The following DACH1 variants were observed in gnomAD, a reference collection of about 807,000 sequenced individuals.
The protein encoded by DACH1 is dachshund family transcription factor 1, also known as dachshund homolog 1.
In DACH1, 12 loss-of-function variants were observed where a neutral mutation model predicts 54.2. The observed-to-expected ratio is 0.22, with a 90% confidence interval of 0.14 to 0.36. The LOEUF (loss-of-function observed/expected upper bound fraction) is 0.36. Among genes scored for constraint, DACH1 ranks in the 10% least tolerant of loss-of-function variants. The pLI, the probability that DACH1 is intolerant of heterozygous loss-of-function variation, is 1.00. For missense variants in DACH1, 805 were observed against 929.8 expected (o/e 0.87, Z 1.75); for synonymous variants, 386 against 366.2 (o/e 1.05, Z -0.62).
chr13:71,754,507 T>C (rs1885060295), intron 1 of DACH1, among the ~76,000 whole-genome samples: 1 of 152,154 alleles, frequency 6.6e-6, no homozygotes, highest in Non-Finnish European at 1.5e-5. Flanking sequence ...AGGTCAGCAC[T>C]AAGAGTTTTG....
intron 2 of DACH1, among the ~76,000 whole-genome samples, chr13:71,650,558 A>C (rs867155258): frequency 3.3e-5 from 5 of 152,172 alleles, no homozygotes; most frequent in African/African-American, 1.2e-4. Context: ...AGATTTTCAG[A>C]GTATGTGGTA....
At chr13:71,655,370 T>A (rs1448811320) in intron 2 of DACH1, among the ~76,000 whole-genome samples, 4 of 129,950 alleles carry the variant, frequency 3.1e-5, no homozygotes, top group Admixed American at 7.1e-5. Context: ...TTTTTTTTTT[T>A]AATTTTTTTT....
chr13:71,451,412 G>A (rs118042231), intron 10 of DACH1, among the ~76,000 whole-genome samples: 69 of 152,120 alleles, frequency 4.5e-4, no homozygotes, highest in South Asian at 6.2e-4. Context: ...AGCATTGCTT[G>A]GTACATGGAA....
intron 1 of DACH1, among the ~76,000 whole-genome samples, chr13:71,806,179 A>G (rs1246015751): frequency 6.6e-6 from 1 of 152,170 alleles, no homozygotes; most frequent in Admixed American, 6.5e-5. Flanking sequence ...ACAATTTCCT[A>G]AAGAGATATA....
chr13:71,739,548 TA>T (rs1330749690), intron 1 of DACH1, among the ~76,000 whole-genome samples: 1 of 147,190 alleles, frequency 6.8e-6, no homozygotes, highest in African/African-American at 2.5e-5. Context: ...TTATCTTATT[TA>T]AAGTTGTCAA....
intron 4 of DACH1, among the ~76,000 whole-genome samples, chr13:71,561,162 T>C (rs1884558376): frequency 6.6e-6 from 1 of 152,124 alleles, no homozygotes; most frequent in African/African-American, 2.4e-5. Context: ...CCATGATGGT[T>C]TGAAATCCTG....
intron 6 of DACH1, among the ~76,000 whole-genome samples, chr13:71,526,213 T>G (rs1446439091): frequency 6.6e-6 from 1 of 152,020 alleles, no homozygotes; most frequent in Non-Finnish European, 1.5e-5. Flanking sequence ...ATACATAGAG[T>G]CTTGTGATAT....
chr13:71,707,090 G>T (rs1882486377), intron 1 of DACH1, among the ~76,000 whole-genome samples: 1 of 152,108 alleles, frequency 6.6e-6, no homozygotes, highest in Admixed American at 6.6e-5. Flanking sequence ...AAATTGACTA[G>T]GTCAAAGGAC....
intron 1 of DACH1, among the ~76,000 whole-genome samples, chr13:71,691,890 T>C (rs890541531): frequency 6.6e-6 from 1 of 152,094 alleles, no homozygotes; most frequent in African/African-American, 2.4e-5. Context: ...GCATGGTTGT[T>C]GGGACAAAGT....
chr13:71,614,008 C>G (rs1032552133), intron 3 of DACH1, among the ~76,000 whole-genome samples: 1 of 152,018 alleles, frequency 6.6e-6, no homozygotes, highest in Admixed American at 6.6e-5. Flanking sequence ...TTTGTTTGTT[C>G]GTTTGTTTTC....
chr13:71,531,269 GTATAAA>G (rs923800852), intron 6 of DACH1, among the ~76,000 whole-genome samples: 2 of 152,022 alleles, frequency 1.3e-5, no homozygotes, highest in Non-Finnish European at 2.9e-5. Context: ...TATCATGCAT[GTATAAA>G]TATAAGTTCA....
chr13:71,572,250 A>C (rs1885259731), intron 4 of DACH1, among the ~76,000 whole-genome samples: 1 of 151,902 alleles, frequency 6.6e-6, no homozygotes, highest in Admixed American at 6.6e-5. Flanking sequence ...ACGATGCACA[A>C]ACATACACAC....
chr13:71,791,428 G>A (rs935642439), intron 1 of DACH1, among the ~76,000 whole-genome samples: 3 of 151,980 alleles, frequency 2.0e-5, no homozygotes, highest in African/African-American at 7.2e-5. Flanking sequence ...AGTGGCAGGC[G>A]GGAGTGCAGT....
chr13:71,779,616 G>A (rs1001304995), intron 1 of DACH1, among the ~76,000 whole-genome samples: 4 of 151,840 alleles, frequency 2.6e-5, no homozygotes, highest in African/African-American at 7.3e-5. Flanking sequence ...AAACCATATT[G>A]GAAGCTCAAG....
At chr13:71,621,538 T>C (rs1318321056) in intron 3 of DACH1, among the ~76,000 whole-genome samples, 1 of 152,016 alleles carries the variant, frequency 6.6e-6, no homozygotes, top group Non-Finnish European at 1.5e-5. Flanking sequence ...TAACATATCA[T>C]TTCCAAGACT....
chr13:71,842,556 T>C lies in DACH1; in HGVS notation c.848+23366A>G, dbSNP rs557935742. ...TCAGACCACTGCACTTCAGTCTGGG[T>C]GACAGAGTATGACCCAGTCTGATTA... is the stretch of plus-strand genomic sequence containing the variant. On this transcript the variant is annotated intron_variant, in intron 1 of 10. Coordinates refer to ENST00000613252, the MANE Select transcript of DACH1 (RefSeq NM_080759.6). Among the ~76,000 whole-genome samples, 8 of 152,210 alleles carry C rather than the reference T, an allele frequency of 5.3e-5. 1 individual carries two copies. The highest frequency in any genetic ancestry group is 1.9e-4 in the African/African-American group (8 of 41,536).
chr13:71,537,987 C>T (rs551538944), intron 6 of DACH1, among the ~76,000 whole-genome samples: 1 of 152,172 alleles, frequency 6.6e-6, no homozygotes, highest in African/African-American at 2.4e-5. Context: ...AAATCCAACT[C>T]ATTTTATGCA....
At chr13:71,468,196 A>G (rs1876765605) in intron 10 of DACH1, among the ~76,000 whole-genome samples, 1 of 152,232 alleles carries the variant, frequency 6.6e-6, no homozygotes, top group Admixed American at 6.5e-5. Context: ...AAAAGTAATA[A>G]CAGCTTCAGT....
chr13:71,654,920 T>G (rs1160135704), intron 2 of DACH1, among the ~76,000 whole-genome samples: 1 of 152,206 alleles, frequency 6.6e-6, no homozygotes, highest in East Asian at 1.9e-4. Context: ...GAGGTTTATC[T>G]TTCATTAAAG....
Sources: gnomAD v4.1 joint callset for allele counts (sites outside exome capture counted in the v4.1 genomes callset) on GRCh38, gnomAD v4.1.1 for gene constraint, MANE v1.5 for transcripts, NCBI Gene and HGNC (gene_info 2026-07-23, HGNC 2026-07-21) for gene names.